UBAC2: variants seen among roughly 807,000 people sequenced by gnomAD.
The protein encoded by UBAC2 is ubiquitin-associated domain-containing protein 2.
In UBAC2, 26 loss-of-function variants were observed where a neutral mutation model predicts 44.0. The observed-to-expected ratio is 0.59, with a 90% CI of 0.43 to 0.82. The LOEUF (loss-of-function observed/expected upper bound fraction) is 0.82, where lower values mean the gene tolerates loss of function less well. Among genes scored for constraint, UBAC2 ranks in the 40% least tolerant of loss-of-function variants. The pLI is 0.00. For missense variants in UBAC2, 329 were observed against 419.4 expected (o/e 0.78, Z 1.88); for synonymous variants, 155 against 154.3 (o/e 1.00, Z -0.04).
At chr13:99,237,254 G>GTATATATA (rs142568689) in intron 1 of UBAC2, among the ~76,000 whole-genome samples, 13 of 136,492 alleles carry the variant, frequency 9.5e-5, no homozygotes, top group South Asian at 7.0e-4. Context: ...AATTTTATGC[G>GTATATATA]TATATATATA....
intron 4 of UBAC2, among the ~76,000 whole-genome samples, chr13:99,306,701 G>C (rs1010476525): frequency 6.6e-6 from 1 of 152,068 alleles, no homozygotes. Context: ...GAAAAGATAC[G>C]TTTAGTCTAA....
At chr13:99,272,663 G>A (rs1310419294) in intron 4 of UBAC2, among the ~76,000 whole-genome samples, 1 of 152,164 alleles carries the variant, frequency 6.6e-6, no homozygotes, top group African/African-American at 2.4e-5. Flanking sequence ...GGCTGAGAGA[G>A]CTCACTTTGG....
rs869112086 is a variant in UBAC2, at chr13:99,338,047, C to CTT, written c.562-2246_562-2245dup. On this transcript the variant is annotated intron_variant, in intron 6 of 8. Coordinates refer to ENST00000403766, the MANE Select transcript of UBAC2 (RefSeq NM_001144072.2). Reference sequence around the variant, plus strand: ...ATCTCCTAACTTTTTTTCTTTTTTTCTTTTTTTTTTTTTTTTTTTTTTTTT... The same window carrying CTT: ...ATCTCCTAACTTTTTTTCTTTTTTTCTTTTTTTTTTTTTTTTTTTTTTTTTTT... Among the ~76,000 whole-genome samples the CTT allele has an allele frequency of 2.0e-3, 99 of 48,856 alleles. 6 individuals carry two copies. The highest frequency in any genetic ancestry group is 5.0e-3 in the African/African-American group (70 of 14,110). 32.1% of individuals were successfully genotyped at this position (48,856 alleles called of 152,430 possible). A position where few individuals can be genotyped will look rare whatever the true frequency, so the allele number is the denominator to read the frequency against.
At chr13:99,262,112 CATT>C (rs1406592986) in intron 4 of UBAC2, among the ~76,000 whole-genome samples, 1 of 152,206 alleles carries the variant, frequency 6.6e-6, no homozygotes, top group Non-Finnish European at 1.5e-5. Flanking sequence ...CATTCCCACT[CATT>C]AGTCACTTTC....
At chr13:99,226,950 G>C (rs1461381218) in intron 1 of UBAC2, among the ~76,000 whole-genome samples, 1 of 152,144 alleles carries the variant, frequency 6.6e-6, no homozygotes, top group Non-Finnish European at 1.5e-5. Flanking sequence ...TGTAATCCCA[G>C]CACTTTGGGA....
chr13:99,285,000 C>T (rs1338064727), intron 4 of UBAC2, among the ~76,000 whole-genome samples: 1 of 152,104 alleles, frequency 6.6e-6, no homozygotes, highest in Non-Finnish European at 1.5e-5. Flanking sequence ...TTTTGCTATC[C>T]TCTTTCCATT....
rs554569239 is a variant in UBAC2 at position 99,297,287 on chromosome 13, T to TC, written c.390-16808dup. Among the ~76,000 whole-genome samples, 22 of 152,268 alleles carry TC rather than the reference T, an allele frequency of 1.4e-4. No individual in the cohort carries two copies. The East Asian group carries it at 3.9e-3, about 27-fold the overall frequency. ...TGATTATTTTTAAAAGAAAAATAAT[T>TC]CCTCTGATAGAACTGTGTGTACATA... On this transcript the variant is annotated intron_variant, in intron 4 of 8. Transcript: ENST00000403766.
At chr13:99,321,261 G>A (rs1264574454) in intron 6 of UBAC2, among the ~76,000 whole-genome samples, 1 of 152,140 alleles carries the variant, frequency 6.6e-6, no homozygotes, top group Admixed American at 6.6e-5. Flanking sequence ...GCCAACTTTG[G>A]ATTGAGCTTA....
chr13:99,215,662 T>A (rs931378109), intron 1 of UBAC2: 2 of 1,440,684 alleles, frequency 1.4e-6, no homozygotes, highest in Non-Finnish European at 1.9e-6. Context: ...TGTTGATGAA[T>A]ACAGCCCTCT....
intron 4 of UBAC2, among the ~76,000 whole-genome samples, chr13:99,257,118 T>C (rs2043576674): frequency 6.6e-6 from 1 of 152,178 alleles, no homozygotes; most frequent in African/African-American, 2.4e-5. Context: ...TCTTCCCTTC[T>C]TCTCCTTCTT....
At chr13:99,303,198 A>G (rs58282002) in intron 4 of UBAC2, among the ~76,000 whole-genome samples, 2,304 of 152,336 alleles carry the variant, frequency 0.015, 59 homozygotes, top group African/African-American at 0.053. Context: ...TCTTCAAGAC[A>G]GAAAAAGACA....
At chr13:99,255,858 GTTC>G in intron 4 of UBAC2, 1 of 1,565,976 alleles carries the variant, frequency 6.4e-7, no homozygotes, top group South Asian at 1.2e-5. Context: ...GATCTTGATT[GTTC>G]AGGGTGATCA....
At chr13:99,264,419 T>C (rs1034563505) in intron 4 of UBAC2, among the ~76,000 whole-genome samples, 2 of 152,236 alleles carry the variant, frequency 1.3e-5, no homozygotes, top group Admixed American at 1.3e-4. Flanking sequence ...TTACCTTTCC[T>C]ATTTAAAAAC....
At position 99,269,617 on chromosome 13, in the gene UBAC2, G is replaced by A. The variant is rs139436322; in HGVS notation, c.389+24993G>A. Among the ~76,000 whole-genome samples, 365 of 152,260 alleles carry A rather than the reference G, an allele frequency of 2.4e-3. 4 individuals are homozygous for A. Among genetic ancestry groups the A allele is most frequent in the South Asian group, 0.011 (52 of 4,818 alleles). On this transcript the variant is annotated intron_variant, in intron 4 of 8. Coordinates refer to ENST00000403766, the MANE Select transcript of UBAC2 (RefSeq NM_001144072.2). ...AAATCCTGACACCATTAAGGTAAGA[G>A]CTAAATAATGAGTTGGTAGGGTGAC...
chr13:99,356,233 C>G (rs1471799993), intron 7 of UBAC2: 1 of 531,646 alleles, frequency 1.9e-6, no homozygotes, highest in Non-Finnish European at 3.9e-6. Flanking sequence ...CTTCTGTCCT[C>G]ATTGCCATCC....
At chr13:99,224,156 G>A (rs1017467458) in intron 1 of UBAC2, among the ~76,000 whole-genome samples, 26 of 152,136 alleles carry the variant, frequency 1.7e-4, no homozygotes, top group Admixed American at 6.5e-4. Context: ...GGGTTTTGGC[G>A]GGTTTGGTTT....
At chr13:99,314,267 T>C (rs1466965269) in intron 5 of UBAC2, 47 bp downstream of exon 5, 3 of 1,526,296 alleles carry the variant, frequency 2.0e-6, no homozygotes, top group Non-Finnish European at 2.6e-6. Context: ...CAGATCTTTT[T>C]TTTTTTTTTT....
At chr13:99,308,019 C>T (rs2044361697) in intron 4 of UBAC2, 1 of 152,124 alleles carries the variant, frequency 6.6e-6, no homozygotes, top group Non-Finnish European at 1.5e-5. Flanking sequence ...TGAAGGGAGG[C>T]CCATTATAGA....
chr13:99,368,725 G>GTGTGTGTGTA, intron 8 of UBAC2, among the ~76,000 whole-genome samples: 1 of 146,138 alleles, frequency 6.8e-6, no homozygotes, highest in East Asian at 2.1e-4. Context: ...GTGTGTGTGT[G>GTGTGTGTGTA]TACACATACC....
Sources: allele counts gnomAD v4.1 joint callset (sites outside exome capture counted in the v4.1 genomes callset), GRCh38; gene constraint gnomAD v4.1.1; transcripts MANE v1.5; gene names NCBI Gene and HGNC (gene_info 2026-07-23, HGNC 2026-07-21).